The following TCERG1L variants were observed in gnomAD, a reference collection of about 807,000 sequenced individuals.
TCERG1L encodes transcription elongation regulator 1-like protein.
TCERG1L carries 37 observed loss-of-function variants against 56.3 expected under a neutral mutation model. That is an observed-to-expected ratio of 0.66 (90% confidence interval 0.51 to 0.87). The LOEUF is 0.87. TCERG1L is among the 40% of genes least tolerant of loss of function. The pLI, the probability that TCERG1L is intolerant of heterozygous loss-of-function variation, is 0.00. For missense variants in TCERG1L, 799 were observed against 774.2 expected (o/e 1.03, Z -0.38); for synonymous variants, 324 against 326.3 (o/e 0.99, Z 0.08).
chr10:131,235,058 G>A (rs896825931), intron 4 of TCERG1L, among the ~76,000 whole-genome samples: 1 of 152,186 alleles, frequency 6.6e-6, no homozygotes, highest in East Asian at 1.9e-4. Context: ...CCTCTGGACA[G>A]TGGGAGAGTT....
intron 3 of TCERG1L, among the ~76,000 whole-genome samples, chr10:131,284,332 A>C (rs1339546159): frequency 2.6e-5 from 4 of 152,130 alleles, no homozygotes; most frequent in South Asian, 2.1e-4. Flanking sequence ...AACTACAATG[A>C]AAATTTAAAA....
chr10:131,254,585 C>G (rs1396611670), intron 4 of TCERG1L, among the ~76,000 whole-genome samples: 1 of 152,096 alleles, frequency 6.6e-6, no homozygotes, highest in Non-Finnish European at 1.5e-5. Flanking sequence ...AACAGAAGTA[C>G]TTGCAAGAGC....
Position 131,308,307 on chromosome 10 carries a change from G to A in TCERG1L, c.574C>T (p.Arg192Cys), listed in dbSNP as rs150400035. 1.3e-4 allele frequency: 207 copies of A among 1,613,848 alleles called. No homozygotes were observed. Among genetic ancestry groups the A allele is most frequent in the African/African-American group, 3.1e-4 (23 of 74,914 alleles). Residue 192 changes from arginine to cysteine, a missense_variant, in exon 3 of 12, where the codon CGT (arginine) becomes TGT (cysteine). Physicochemically the swap from Arg to Cys is radical, Grantham distance 180. Transcript: ENST00000368642. ...SRFFHGHEKP[R>C]LLANQVAVSL... ...ACAGCTACTTGATTTGCCAGCAAAC[G>A]AGGCTTTTCATGCCCATGGAAAAAC...
intron 3 of TCERG1L, among the ~76,000 whole-genome samples, chr10:131,286,205 G>A (rs7093120): frequency 0.074 from 11,258 of 152,126 alleles, 528 homozygotes; most frequent in African/African-American, 0.11. Flanking sequence ...CCTTTAAAAC[G>A]TCTGGGAAGT....
intron 4 of TCERG1L, among the ~76,000 whole-genome samples, chr10:131,200,773 G>C (rs896900871): frequency 6.6e-6 from 1 of 152,178 alleles, no homozygotes; most frequent in Non-Finnish European, 1.5e-5. Flanking sequence ...GGTCAGAGTA[G>C]AATAATATAA....
In TCERG1L at chr10:131,211,338, C is replaced by T. The variant is rs569793295; in HGVS notation, c.857-44453G>A. Among the ~76,000 whole-genome samples the T allele has an allele frequency of 1.2e-4, 18 of 152,320 alleles. No homozygotes were observed. The South Asian group carries it at 3.5e-3, about 30-fold the overall frequency. On this transcript the variant is annotated intron_variant, in intron 4 of 11. Transcript: ENST00000368642. Reference sequence around the variant, plus strand: ...ACATCAGGAAGCATGTGGTGAGCTGCGGCCAGGGCTGGGCCCCTGAGCACG... The same window carrying T: ...ACATCAGGAAGCATGTGGTGAGCTGTGGCCAGGGCTGGGCCCCTGAGCACG...
intron 4 of TCERG1L, among the ~76,000 whole-genome samples, chr10:131,172,373 C>A (rs2996081): frequency 0.11 from 17,078 of 152,212 alleles, 995 homozygotes; most frequent in East Asian, 0.23. Context: ...CCTTTCTATT[C>A]TGAAAGCCGA....
chr10:131,253,976 G>A lies in TCERG1L; in HGVS notation c.856+6283C>T, dbSNP rs527781214. ...TAAATGCTGAAAAGCAAACGCAACA[G>A]TGAGGAGAAGGAGTTCGTTCCAGGG... On this transcript the variant is annotated intron_variant, in intron 4 of 11. Transcript: ENST00000368642. 6.3e-5 allele frequency among the ~76,000 whole-genome samples: 9 copies of A among 142,406 alleles called. No individual in the cohort carries two copies. The East Asian group carries it at 1.9e-3, about 30-fold the overall frequency. 93.4% of individuals were successfully genotyped at this position (142,406 alleles called of 152,430 possible). A position where few individuals can be genotyped will look rare whatever the true frequency, so the allele number is the denominator to read the frequency against.
Position 131,092,581 on chromosome 10 carries a change from C to T in TCERG1L, c.*581G>A, listed in dbSNP as rs544219651. ...CACGGCTCCCTGCTCCAGGCCGGGA[C>T]GCCCCTCTGGGAGGAACGCGCGGCC... On this transcript the variant is annotated 3_prime_UTR_variant, in exon 12 of 12. Transcript: ENST00000368642. 2.0e-5 allele frequency: 3 copies of T among 152,708 alleles called. No individual in the cohort carries two copies. Among genetic ancestry groups the T allele is most frequent in the East Asian group, 3.9e-4 (2 of 5,188 alleles). The allele number at this position is 152,708 out of a possible 1,614,324, so 9.5% of individuals were successfully genotyped here. A position where few individuals can be genotyped will look rare whatever the true frequency, so the allele number is the denominator to read the frequency against.
intron 4 of TCERG1L, among the ~76,000 whole-genome samples, chr10:131,243,281 G>T (rs1845993163): frequency 6.6e-6 from 1 of 152,010 alleles, no homozygotes; most frequent in Non-Finnish European, 1.5e-5. Context: ...ATAAGCAGAG[G>T]CTTAAAAACT....
At chr10:131,154,850 T>C (rs1845902784) in intron 6 of TCERG1L, among the ~76,000 whole-genome samples, 1 of 152,244 alleles carries the variant, frequency 6.6e-6, no homozygotes, top group African/African-American at 2.4e-5. Context: ...GTGCTGGAAC[T>C]GAAGGGGCAG....
At chr10:131,144,260 G>C (rs1245264153) in intron 7 of TCERG1L, among the ~76,000 whole-genome samples, 1 of 152,134 alleles carries the variant, frequency 6.6e-6, no homozygotes, top group Non-Finnish European at 1.5e-5. Context: ...ATGACTAATA[G>C]TCAAACAAAA....
chr10:131,267,996 G>A lies in TCERG1L; in HGVS notation c.671-7552C>T, dbSNP rs1589767200. ...CTCTGGGAGCGAATTGCAGGCCCTG[G>A]GCCCAGCTGCCAGGAGTGCCAGGCT... On this transcript the variant is annotated intron_variant, in intron 3 of 11. Coordinates refer to ENST00000368642, the MANE Select transcript of TCERG1L (RefSeq NM_174937.4). The surrounding 1 kb of genome is among the most constrained non-coding windows in gnomAD (Gnocchi z 4.9). Among the ~76,000 whole-genome samples the A allele has an allele frequency of 6.6e-6, 1 of 152,184 alleles. No homozygotes were observed. Among genetic ancestry groups the A allele is most frequent in the East Asian group, 1.9e-4 (1 of 5,170 alleles).
rs775305824 is a variant in TCERG1L at position 131,092,808 on chromosome 10, G to C, written c.*354C>G. On this transcript the variant is annotated 3_prime_UTR_variant, in exon 12 of 12. Transcript: ENST00000368642. ...GTTTTCAGAAAAGTTTTCGCCAATC[G>C]TCTTAGGTGATGACACAAATGCCTT... 5.6e-6 allele frequency: 1 copy of C among 177,606 alleles called. No homozygotes were observed. Among genetic ancestry groups the C allele is most frequent in the Non-Finnish European group, 1.2e-5 (1 of 85,034 alleles). The allele number at this position is 177,606 out of a possible 1,614,324, so 11.0% of individuals were successfully genotyped here.
At chr10:131,110,257 ATC>A (rs1845397879) in intron 9 of TCERG1L, among the ~76,000 whole-genome samples, 1 of 152,226 alleles carries the variant, frequency 6.6e-6, no homozygotes, top group South Asian at 2.1e-4. Flanking sequence ...GGTCATGGTC[ATC>A]TGGTTCTGAG....
At chr10:131,163,688 C>G (rs1554889216) in intron 5 of TCERG1L, among the ~76,000 whole-genome samples, 1 of 152,142 alleles carries the variant, frequency 6.6e-6, no homozygotes, top group Non-Finnish European at 1.5e-5. Flanking sequence ...TCCTCAATAA[C>G]GACTCTGCCA....
At position 131,308,264 on chromosome 10, in the gene TCERG1L, G is replaced by T. The variant is rs1377060670; in HGVS notation, c.617C>A (p.Ala206Asp). 8 of 1,613,864 alleles carry T rather than the reference G, an allele frequency of 5.0e-6. No individual in the cohort carries two copies. The Admixed American group carries it at 1.3e-4, about 27-fold the overall frequency. Residue 206 changes from alanine to aspartate, a missense_variant, in exon 3 of 12, where the codon GCT (alanine) becomes GAT (aspartate). Transcript: ENST00000368642. ...NQVAVSLSRP[A>D]PASRPLPTVV... ...CGTGGGGAGCGGCCTGGAGGCAGGA[G>T]CCGGCCTGGACAGAGACACAGCTAC...
intron 4 of TCERG1L, among the ~76,000 whole-genome samples, chr10:131,221,977 C>T (rs1287375819): frequency 2.0e-5 from 3 of 152,200 alleles, no homozygotes; most frequent in East Asian, 1.9e-4. Flanking sequence ...TTGTTTACTG[C>T]GGTTTGCAGA....
chr10:131,198,516 G>A (rs1026358020), intron 4 of TCERG1L, among the ~76,000 whole-genome samples: 4 of 152,264 alleles, frequency 2.6e-5, no homozygotes, highest in South Asian at 2.1e-4. Context: ...AAGAGCAGAA[G>A]TGTGTTCCTC....
Sources: allele counts gnomAD v4.1 joint callset (sites outside exome capture counted in the v4.1 genomes callset), GRCh38; gene constraint gnomAD v4.1.1; non-coding constraint Gnocchi (gnomAD v3.1); transcripts MANE v1.5; gene names NCBI Gene and HGNC (gene_info 2026-07-23, HGNC 2026-07-21).